AUTS2: variants seen among roughly 807,000 people sequenced by gnomAD.
AUTS2 encodes activator of transcription and developmental regulator AUTS2.
A neutral mutation model predicts 112.4 loss-of-function variants in AUTS2; 17 were observed. That is an observed-to-expected ratio of 0.15 (90% CI 0.10 to 0.23). The LOEUF is 0.23. AUTS2 is among the 10% of genes least tolerant of loss of function. AUTS2 has a pLI of 1.00. For missense variants in AUTS2, 1,510 were observed against 1,701.6 expected, an observed-to-expected ratio of 0.89 and a Z score of 1.98; for synonymous variants, 751 against 702.7, an observed-to-expected ratio of 1.07 and a Z score of -1.09.
intron 5 of AUTS2, among the ~76,000 whole-genome samples, chr7:70,496,849 T>G (rs111211657): frequency 3.0e-5 from 2 of 67,716 alleles, no homozygotes; most frequent in Non-Finnish European, 5.7e-5. Flanking sequence ...ACGTACACAG[T>G]CACACACACA....
intron 1 of AUTS2, among the ~76,000 whole-genome samples, chr7:69,705,885 A>G (rs990052657): frequency 6.6e-6 from 1 of 152,020 alleles, no homozygotes; most frequent in African/African-American, 2.4e-5. Flanking sequence ...CTAGGTGCAC[A>G]TATCCGTGTT....
intron 1 of AUTS2, among the ~76,000 whole-genome samples, chr7:69,666,944 A>C (rs1796077115): frequency 6.6e-6 from 1 of 152,160 alleles, no homozygotes; most frequent in South Asian, 2.1e-4. Flanking sequence ...TCTGGCAAGA[A>C]GGAGAAGTAC....
chr7:70,018,515 C>T (rs1800132024), intron 2 of AUTS2, among the ~76,000 whole-genome samples: 1 of 152,154 alleles, frequency 6.6e-6, no homozygotes. Context: ...TGAGGCTGCA[C>T]CCTAGCTAAT....
chr7:70,773,780 T>G (rs1790512601), intron 11 of AUTS2, among the ~76,000 whole-genome samples: 1 of 152,244 alleles, frequency 6.6e-6, no homozygotes, highest in South Asian at 2.1e-4. Context: ...GGTCCTGTGC[T>G]TTTTATTGCA....
rs567306670 is a variant in AUTS2 at position 70,581,535 on chromosome 7, A to G, written c.691-117034A>G. On this transcript the variant is annotated intron_variant, in intron 5 of 18. Transcript: ENST00000342771. ...TGCATTCCAACCTGAGCAACCTCCA[A>G]CCTGTTTCAAAGAAAAAAAAATGTT... Among the ~76,000 whole-genome samples the G allele has an allele frequency of 5.9e-5, 9 of 152,254 alleles. No individual in the cohort carries two copies. In the East Asian group the frequency reaches 1.7e-3, roughly 29 times the overall value.
At chr7:70,008,733 T>C (rs919208436) in intron 2 of AUTS2, among the ~76,000 whole-genome samples, 1 of 152,164 alleles carries the variant, frequency 6.6e-6, no homozygotes, top group Admixed American at 6.5e-5. Context: ...TTTCTGAAAA[T>C]TTTGAAAATT....
chr7:69,889,438 C>T (rs1794421372), intron 1 of AUTS2, among the ~76,000 whole-genome samples: 1 of 152,222 alleles, frequency 6.6e-6, no homozygotes, highest in African/African-American at 2.4e-5. Context: ...ACTTTACCAT[C>T]AGCAGTGTGC....
intron 1 of AUTS2, among the ~76,000 whole-genome samples, chr7:69,778,835 C>T (rs1789013237): frequency 6.6e-6 from 1 of 151,840 alleles, no homozygotes; most frequent in Admixed American, 6.6e-5. Context: ...ATTCACTGAC[C>T]ACATTCTCTT....
chr7:70,687,840 G>A (rs957030406), intron 5 of AUTS2, among the ~76,000 whole-genome samples: 10 of 152,200 alleles, frequency 6.6e-5, no homozygotes, highest in Non-Finnish European at 1.3e-4. Context: ...GCCCTGAATC[G>A]CTAAGGAAGA....
intron 1 of AUTS2, among the ~76,000 whole-genome samples, chr7:69,797,381 C>T (rs865980682): frequency 1.3e-5 from 2 of 152,192 alleles, no homozygotes; most frequent in African/African-American, 2.4e-5. Context: ...CGAATCTGAT[C>T]TTGGGCTGCT....
intron 2 of AUTS2, among the ~76,000 whole-genome samples, chr7:69,917,457 A>C (rs1397976674): frequency 2.1e-5 from 3 of 145,956 alleles, no homozygotes; most frequent in African/African-American, 8.4e-5. Context: ...CTAAATCAGA[A>C]ATGGACTATA....
chr7:70,125,364 G>C (rs1198648750), intron 3 of AUTS2, among the ~76,000 whole-genome samples: 2 of 151,868 alleles, frequency 1.3e-5, no homozygotes, highest in African/African-American at 2.4e-5. Flanking sequence ...CCCCCATTCT[G>C]ACTGAGTACT....
intron 1 of AUTS2, among the ~76,000 whole-genome samples, chr7:69,792,943 G>C (rs1049324855): frequency 2.0e-5 from 3 of 152,118 alleles, no homozygotes; most frequent in Non-Finnish European, 4.4e-5. Context: ...TTTCTCAGGG[G>C]CCGGGCTATT....
intron 4 of AUTS2, among the ~76,000 whole-genome samples, chr7:70,376,449 G>T (rs1037067474): frequency 6.6e-6 from 1 of 151,892 alleles, no homozygotes; most frequent in African/African-American, 2.4e-5. Context: ...ATGGACTGTG[G>T]GTGAGATGTG....
At chr7:70,004,749 C>T (rs1208001307) in intron 2 of AUTS2, among the ~76,000 whole-genome samples, 2 of 151,988 alleles carry the variant, frequency 1.3e-5, no homozygotes, top group Non-Finnish European at 2.9e-5. Context: ...ACCTCAGTTT[C>T]AGTTTCCTCA....
In AUTS2 at chr7:69,598,576, C is replaced by T. The variant is rs1429137759; in HGVS notation, c.-1078C>T. On this transcript the variant is annotated 5_prime_UTR_variant, in exon 1 of 19. Coordinates refer to ENST00000342771, the MANE Select transcript of AUTS2 (RefSeq NM_015570.4). The stretch of plus-strand genomic sequence containing the variant: ...GCGGCAGCAGCAGCAGCGTTAGCGG[C>T]GGCGGCGAGAGCAGCGTTCCCGGCT... The T allele has an allele frequency of 3.4e-5, 6 of 176,764 alleles. No homozygotes were observed. The highest frequency in any genetic ancestry group is 1.2e-4 in the African/African-American group (5 of 40,608). The allele number at this position is 176,764 out of a possible 1,614,324, so 10.9% of individuals were successfully genotyped here.
chr7:70,093,160 G>A (rs938365000), intron 2 of AUTS2, among the ~76,000 whole-genome samples: 1 of 152,128 alleles, frequency 6.6e-6, no homozygotes, highest in African/African-American at 2.4e-5. Context: ...CCCATGATTC[G>A]TAGCCCGTAT....
Position 70,007,621 on chromosome 7 carries a change from G to A in AUTS2, c.522+108123G>A, listed in dbSNP as rs79644789. On this transcript the variant is annotated intron_variant, in intron 2 of 18. Coordinates refer to ENST00000342771, the MANE Select transcript of AUTS2 (RefSeq NM_015570.4). The stretch of plus-strand genomic sequence containing the variant: ...TCATTTCTCACATCAGTTCTATAAA[G>A]TAAGGATTATTTATTTTTATTTTAG... Among the ~76,000 whole-genome samples, 445 of 152,220 alleles carry A rather than the reference G, an allele frequency of 2.9e-3. 5 individuals are homozygous for A. Among genetic ancestry groups the A allele is most frequent in the African/African-American group, 0.01 (431 of 41,526 alleles).
At chr7:70,774,163 C>G in intron 12 of AUTS2, 64 bp downstream of exon 12, 1 of 1,461,970 alleles carries the variant, frequency 6.8e-7, no homozygotes, top group South Asian at 1.1e-5. Flanking sequence ...ACGGGACGGC[C>G]AGCCCAGTGC....
Sources: allele counts gnomAD v4.1 joint callset (sites outside exome capture counted in the v4.1 genomes callset), GRCh38; gene constraint gnomAD v4.1.1; transcripts MANE v1.5; gene names NCBI Gene and HGNC (gene_info 2026-07-23, HGNC 2026-07-21).